CSMD1: variants seen among roughly 807,000 people sequenced by gnomAD.
CSMD1 encodes CUB and sushi domain-containing protein 1.
Under a neutral mutation model 417.5 loss-of-function variants are expected in CSMD1, and 213 were observed. The observed-to-expected ratio is 0.51, with a 90% CI of 0.46 to 0.57. CSMD1 has a LOEUF of 0.57. Among genes scored for constraint, CSMD1 ranks in the 20% least tolerant of loss-of-function variants. CSMD1 has a pLI of 0.00. For synonymous variants in CSMD1, 2,862 were observed against 1,736.8 expected, an observed-to-expected ratio of 1.65 and a Z score of -16.11; for missense variants, 6,923 against 4,529.7, an observed-to-expected ratio of 1.53 and a Z score of -15.17.
At chr8:3,611,716 C>G (rs1426094923) in intron 8 of CSMD1, among the ~76,000 whole-genome samples, 1 of 151,982 alleles carries the variant, frequency 6.6e-6, no homozygotes, top group Non-Finnish European at 1.5e-5. Context: ...GTAATATCAA[C>G]AAATGTATTT....
At chr8:3,265,880 A>T (rs1364521948) in intron 26 of CSMD1, among the ~76,000 whole-genome samples, 2 of 151,938 alleles carry the variant, frequency 1.3e-5, no homozygotes, top group Non-Finnish European at 2.9e-5. Flanking sequence ...GCGGACTGAG[A>T]TCAGCTTCTC....
At chr8:3,738,561 C>A (rs957233495) in intron 6 of CSMD1, among the ~76,000 whole-genome samples, 9 of 152,186 alleles carry the variant, frequency 5.9e-5, no homozygotes, top group African/African-American at 2.2e-4. Context: ...CTTCCCTTTT[C>A]AGGGCTCTGT....
At chr8:3,875,500 G>C (rs988989029) in intron 5 of CSMD1, among the ~76,000 whole-genome samples, 1 of 152,118 alleles carries the variant, frequency 6.6e-6, no homozygotes, top group Non-Finnish European at 1.5e-5. Flanking sequence ...CTGGCATGGA[G>C]AGGTGGAGAA....
intron 5 of CSMD1, among the ~76,000 whole-genome samples, chr8:3,935,165 C>T (rs914015264): frequency 1.3e-5 from 2 of 152,142 alleles, no homozygotes; most frequent in African/African-American, 2.4e-5. Context: ...AAGAATATGG[C>T]CACGACTCGT....
intron 3 of CSMD1, among the ~76,000 whole-genome samples, chr8:4,175,505 A>T (rs1260692499): frequency 6.6e-6 from 1 of 152,218 alleles, no homozygotes; most frequent in Non-Finnish European, 1.5e-5. Context: ...AACATTACAC[A>T]AAGACAACTG....
chr8:3,303,219 A>G (rs1306257205), intron 25 of CSMD1, among the ~76,000 whole-genome samples: 1 of 152,164 alleles, frequency 6.6e-6, no homozygotes, highest in Non-Finnish European at 1.5e-5. Flanking sequence ...TGGTCTATGT[A>G]CAGAGGCTGG....
chr8:3,446,063 A>C (rs1815285689), intron 12 of CSMD1, among the ~76,000 whole-genome samples: 1 of 152,188 alleles, frequency 6.6e-6, no homozygotes, highest in African/African-American at 2.4e-5. Flanking sequence ...GAAGGTGAAC[A>C]GTCTGGAAAG....
At chr8:3,943,276 T>A (rs1811005013) in intron 5 of CSMD1, among the ~76,000 whole-genome samples, 1 of 151,886 alleles carries the variant, frequency 6.6e-6, no homozygotes, top group Admixed American at 6.6e-5. Context: ...TTTTATAAAG[T>A]GTATGCAAAG....
intron 1 of CSMD1, among the ~76,000 whole-genome samples, chr8:4,972,221 G>C (rs977283910): frequency 6.6e-6 from 1 of 152,048 alleles, no homozygotes; most frequent in South Asian, 2.1e-4. Flanking sequence ...GGAAATTTTT[G>C]TGTCCTGTAA....
intron 3 of CSMD1, among the ~76,000 whole-genome samples, chr8:4,154,284 AATAAG>A (rs1357453820): frequency 1.3e-5 from 2 of 152,192 alleles, no homozygotes; most frequent in Non-Finnish European, 2.9e-5. Context: ...TAAATAAATA[AATAAG>A]ATGTTTCTGT....
In CSMD1 at chr8:4,366,673, A is replaced by G. The variant is rs113186438; in HGVS notation, c.415+53280T>C. ...CGTGGTTTTGATTTGCATGTCTCTAATAGTTACTGATGAGCGTTTTTTCTT... is the reference window on the plus strand; with the variant it reads ...CGTGGTTTTGATTTGCATGTCTCTAGTAGTTACTGATGAGCGTTTTTTCTT... On this transcript the variant is annotated intron_variant, in intron 3 of 69. Transcript: ENST00000635120. Among the ~76,000 whole-genome samples, 107 of 152,170 alleles carry G rather than the reference A, an allele frequency of 7.0e-4. 1 individual carries two copies. The highest frequency in any genetic ancestry group is 2.1e-3 in the African/African-American group (86 of 41,532).
chr8:4,136,841 C>T (rs2131000455), intron 3 of CSMD1, among the ~76,000 whole-genome samples: 1 of 152,138 alleles, frequency 6.6e-6, no homozygotes, highest in East Asian at 1.9e-4. Context: ...GTTTGACAAA[C>T]TCTAGGTTTG....
intron 49 of CSMD1, 76 bp from the exon 50 acceptor site, chr8:3,052,723 A>G: frequency 9.6e-7 from 1 of 1,038,236 alleles, no homozygotes; most frequent in Non-Finnish European, 1.3e-6. Context: ...TTGATTGATT[A>G]ATCATTATTA....
At chr8:3,652,859 C>T (rs569938548) in intron 7 of CSMD1, among the ~76,000 whole-genome samples, 2 of 152,286 alleles carry the variant, frequency 1.3e-5, no homozygotes, top group South Asian at 2.1e-4. Context: ...GAACCTAGAA[C>T]AGAGGGTGCA....
At chr8:3,304,040 A>C (rs895925452) in intron 25 of CSMD1, among the ~76,000 whole-genome samples, 1 of 152,182 alleles carries the variant, frequency 6.6e-6, no homozygotes, top group African/African-American at 2.4e-5. Context: ...CAATGAAATC[A>C]ATGTAGCTCT....
At chr8:4,010,627 C>G (rs1007787237) in intron 4 of CSMD1, among the ~76,000 whole-genome samples, 1 of 152,090 alleles carries the variant, frequency 6.6e-6, no homozygotes, top group East Asian at 1.9e-4. Context: ...AGGTCACTTA[C>G]CCAAACACCT....
chr8:4,673,393 C>T (rs1156727667), intron 1 of CSMD1, among the ~76,000 whole-genome samples: 2 of 152,108 alleles, frequency 1.3e-5, no homozygotes, highest in Admixed American at 6.5e-5. Flanking sequence ...GACCTGCTGC[C>T]ATCTGTAAGG....
chr8:4,065,701 A>G (rs781019367), intron 3 of CSMD1, among the ~76,000 whole-genome samples: 3 of 152,236 alleles, frequency 2.0e-5, no homozygotes, highest in Non-Finnish European at 4.4e-5. Context: ...GGAACACCAC[A>G]TGTATCTGTG....
intron 53 of CSMD1, 129 bp downstream of exon 53, chr8:2,999,829 A>T: frequency 1.3e-6 from 1 of 751,634 alleles, no homozygotes; most frequent in Non-Finnish European, 2.0e-6. Context: ...TTCTTTGTAT[A>T]GGCAAAACTG....
Sources: gnomAD v4.1 joint callset for allele counts (sites outside exome capture counted in the v4.1 genomes callset) on GRCh38, gnomAD v4.1.1 for gene constraint, MANE v1.5 for transcripts, NCBI Gene and HGNC (gene_info 2026-07-23, HGNC 2026-07-21) for gene names.